Variants in SUFU observed in about 807,000 individuals in gnomAD.
SUFU encodes suppressor of fused homolog.
A neutral mutation model predicts 58.9 loss-of-function variants in SUFU; 7 were observed. The ratio of observed to expected loss-of-function variants is 0.12; its 90% CI spans 0.07 to 0.22. The LOEUF (loss-of-function observed/expected upper bound fraction) is 0.22, where lower values mean the gene tolerates loss of function less well. SUFU is among the 10% of genes least tolerant of loss of function. The pLI is 1.00. For synonymous variants in SUFU, 232 were observed against 254.8 expected (o/e 0.91, Z 0.85); for missense variants, 451 against 641.3 (o/e 0.70, Z 3.20).
At chr10:102,586,652 G>A (rs2063338833) in intron 3 of SUFU, among the ~76,000 whole-genome samples, 1 of 152,118 alleles carries the variant, frequency 6.6e-6, no homozygotes, top group Non-Finnish European at 1.5e-5. Flanking sequence ...TAGCCTGGGC[G>A]ACAGAGCGAG....
chr10:102,539,185 C>T (rs1208710107), intron 2 of SUFU, among the ~76,000 whole-genome samples: 2 of 152,214 alleles, frequency 1.3e-5, no homozygotes, highest in African/African-American at 4.8e-5. Flanking sequence ...TTAATTGTCA[C>T]ATCTCTTAGA....
At position 102,625,438 on chromosome 10, in the gene SUFU, G is replaced by T. The variant is rs1485213294; in HGVS notation, c.1297-1737G>T. Among the ~76,000 whole-genome samples the T allele has an allele frequency of 6.6e-6, 1 of 152,172 alleles. No homozygotes were observed. On this transcript the variant is annotated intron_variant, in intron 10 of 11. Transcript: ENST00000369902. This position sits in a 1 kb window ranked among gnomAD's most constrained non-coding sequence, Gnocchi z 4.7. ...TGCTATGGGCTTGGAGCCTGGGAAG[G>T]CTGGGTCTCTTGTCTCCTTGCCAGC...
Position 102,632,451 on chromosome 10 carries a change from C to T in SUFU, c.*2296C>T. 4.3e-6 allele frequency: 1 copy of T among 233,356 alleles called. No individual in the cohort carries two copies. The allele number at this position is 233,356 out of a possible 1,614,324, so 14.5% of individuals were successfully genotyped here. ...CATCTCACTGGCTCTGAGGGCAGGACAGGGTATCACACATTTCTCACCAGG... is the reference window on the plus strand; with the variant it reads ...CATCTCACTGGCTCTGAGGGCAGGATAGGGTATCACACATTTCTCACCAGG... On this transcript the variant is annotated 3_prime_UTR_variant, in exon 12 of 12. Coordinates refer to ENST00000369902, the MANE Select transcript of SUFU (RefSeq NM_016169.4).
chr10:102,533,878 A>G (rs2062705342), intron 2 of SUFU, among the ~76,000 whole-genome samples: 1 of 152,196 alleles, frequency 6.6e-6, no homozygotes, highest in African/African-American at 2.4e-5. Flanking sequence ...CAGGGATTCA[A>G]ATGTGGGCAT....
At chr10:102,509,139 A>G (rs760015598) in intron 1 of SUFU, 30 bp from the exon 2 acceptor site, 11 of 1,613,428 alleles carry the variant, frequency 6.8e-6, no homozygotes, top group Admixed American at 5.0e-5. Flanking sequence ...CCAGGCTTAC[A>G]CTAACACCCC....
chr10:102,575,660 C>A (rs1249031972), intron 3 of SUFU, among the ~76,000 whole-genome samples: 3 of 152,168 alleles, frequency 2.0e-5, no homozygotes, highest in Non-Finnish European at 4.4e-5. Context: ...TTCAACATAC[C>A]TTTTGAAGGA....
chr10:102,566,229 C>T (rs565553704), intron 3 of SUFU, among the ~76,000 whole-genome samples: 56 of 152,320 alleles, frequency 3.7e-4, no homozygotes, highest in Admixed American at 3.6e-3. Context: ...TTGAACATCT[C>T]TAACAGTTGG....
intron 3 of SUFU, among the ~76,000 whole-genome samples, chr10:102,578,634 T>C (rs774476865): frequency 2.0e-5 from 3 of 148,764 alleles, no homozygotes; most frequent in Non-Finnish European, 4.4e-5. Flanking sequence ...CTTGGACCTG[T>C]GAGGCAGAGG....
intron 2 of SUFU, among the ~76,000 whole-genome samples, chr10:102,537,097 C>T (rs2062748394): frequency 6.6e-6 from 1 of 151,828 alleles, no homozygotes; most frequent in Non-Finnish European, 1.5e-5. Context: ...AGGCATGAGC[C>T]ACTGCACCCA....
chr10:102,613,807 C>A (rs1204478928), intron 8 of SUFU, among the ~76,000 whole-genome samples: 1 of 152,214 alleles, frequency 6.6e-6, no homozygotes, highest in Non-Finnish European at 1.5e-5. Context: ...TCTTAGAATG[C>A]AAAGGGACCC....
chr10:102,523,485 C>T lies in SUFU; in HGVS notation c.317+14182C>T, dbSNP rs565245766. On this transcript the variant is annotated intron_variant, in intron 2 of 11. Coordinates refer to ENST00000369902, the MANE Select transcript of SUFU (RefSeq NM_016169.4). ...AGGGGGGTCGAGCTGGCTGGCTGTG[C>T]TTTTGGCCTGTGATGGATTTGACTC... Among the ~76,000 whole-genome samples, 8 of 152,286 alleles carry T rather than the reference C, an allele frequency of 5.3e-5. No individual in the cohort carries two copies. In the East Asian group the frequency reaches 1.5e-3, roughly 29 times the overall value.
intron 6 of SUFU, among the ~76,000 whole-genome samples, chr10:102,595,478 T>G (rs2063451539): frequency 6.6e-6 from 1 of 152,208 alleles, no homozygotes; most frequent in Admixed American, 6.5e-5. Context: ...CACACTGGGA[T>G]CCAGCATGGG....
At chr10:102,551,875 C>T (rs1475768178) in intron 3 of SUFU, among the ~76,000 whole-genome samples, 1 of 150,750 alleles carries the variant, frequency 6.6e-6, no homozygotes, top group Non-Finnish European at 1.5e-5. Flanking sequence ...CAGGTGCCCG[C>T]CACCACGCCT....
At chr10:102,514,227 A>G (rs1487746093) in intron 2 of SUFU, among the ~76,000 whole-genome samples, 2 of 152,100 alleles carry the variant, frequency 1.3e-5, no homozygotes, top group East Asian at 3.9e-4. Flanking sequence ...TCCTCCTATT[A>G]TGATCTTTCC....
At chr10:102,576,738 T>C (rs1190570182) in intron 3 of SUFU, among the ~76,000 whole-genome samples, 1 of 152,184 alleles carries the variant, frequency 6.6e-6, no homozygotes, top group Non-Finnish European at 1.5e-5. Flanking sequence ...GACAGGGTCT[T>C]TCTCTGTTGC....
At chr10:102,517,434 G>C (rs2062485273) in intron 2 of SUFU, among the ~76,000 whole-genome samples, 1 of 152,158 alleles carries the variant, frequency 6.6e-6, no homozygotes, top group Admixed American at 6.5e-5. Flanking sequence ...AGCCTTTATG[G>C]GTTTGATGCA....
chr10:102,549,179 A>G (rs2062884474), intron 2 of SUFU, among the ~76,000 whole-genome samples: 1 of 152,188 alleles, frequency 6.6e-6, no homozygotes, highest in South Asian at 2.1e-4. Flanking sequence ...TCATCCTCAC[A>G]GAGTGTATTA....
At chr10:102,553,699 G>A (rs945399619) in intron 3 of SUFU, among the ~76,000 whole-genome samples, 3 of 152,066 alleles carry the variant, frequency 2.0e-5, no homozygotes, top group Non-Finnish European at 2.9e-5. Context: ...TCCTGACCTC[G>A]TGATCCGCCC....
At chr10:102,504,897 C>T (rs2135600817) in intron 1 of SUFU, among the ~76,000 whole-genome samples, 1 of 152,238 alleles carries the variant, frequency 6.6e-6, no homozygotes, top group Non-Finnish European at 1.5e-5. Context: ...TTGATACCTT[C>T]CCGATTAGCT....
Sources: allele counts gnomAD v4.1 joint callset (sites outside exome capture counted in the v4.1 genomes callset), GRCh38; gene constraint gnomAD v4.1.1; non-coding constraint Gnocchi (gnomAD v3.1); transcripts MANE v1.5; gene names NCBI Gene and HGNC (gene_info 2026-07-23, HGNC 2026-07-21).